Variants in ADGRL3 observed in about 807,000 individuals in gnomAD.
ADGRL3 encodes adhesion G protein-coupled receptor L3, also known as calcium-independent alpha-latrotoxin receptor 3.
In ADGRL3, 62 loss-of-function variants were observed where a neutral mutation model predicts 153.5. The observed-to-expected ratio is 0.40, with a 90% CI of 0.33 to 0.50. ADGRL3 has a LOEUF of 0.50. Among genes scored for constraint, ADGRL3 ranks in the 20% least tolerant of loss-of-function variants. The probability of loss-of-function intolerance (pLI) is 0.47; values close to 1 mark genes in which losing one functional copy is unlikely to be tolerated. For missense variants in ADGRL3, 1,641 were observed against 1,859.4 expected, an observed-to-expected ratio of 0.88 and a Z score of 2.16; for synonymous variants, 710 against 672.5, an observed-to-expected ratio of 1.06 and a Z score of -0.86.
At chr4:61,689,576 T>C (rs2095503440) in intron 6 of ADGRL3, among the ~76,000 whole-genome samples, 1 of 152,156 alleles carries the variant, frequency 6.6e-6, no homozygotes, top group Admixed American at 6.6e-5. Flanking sequence ...AAGTGATTTT[T>C]CTATACTCTA....
intron 4 of ADGRL3, among the ~76,000 whole-genome samples, chr4:61,544,123 C>A (rs2098702867): frequency 6.6e-6 from 1 of 152,188 alleles, no homozygotes; most frequent in African/African-American, 2.4e-5. Flanking sequence ...GTAGATTATA[C>A]ACATAGGTAA....
intron 4 of ADGRL3, among the ~76,000 whole-genome samples, chr4:61,566,068 AG>A (rs1280248923): frequency 1.3e-5 from 2 of 152,170 alleles, no homozygotes; most frequent in Non-Finnish European, 2.9e-5. Context: ...ATTGAACTAT[AG>A]GAGTTTATTA....
chr4:61,647,367 A>T (rs1034169641), intron 5 of ADGRL3, among the ~76,000 whole-genome samples: 3 of 152,280 alleles, frequency 2.0e-5, no homozygotes, highest in East Asian at 3.9e-4. Flanking sequence ...AGACGAAAAA[A>T]TTAAAATTAA....
intron 1 of ADGRL3, among the ~76,000 whole-genome samples, chr4:61,335,528 T>C (rs1222896735): frequency 1.3e-5 from 2 of 152,154 alleles, no homozygotes; most frequent in Non-Finnish European, 2.9e-5. Context: ...TCTATTAACA[T>C]CCCGAAATGT....
At chr4:61,756,870 G>T (rs1391019636) in intron 8 of ADGRL3, among the ~76,000 whole-genome samples, 3 of 152,130 alleles carry the variant, frequency 2.0e-5, no homozygotes, top group Non-Finnish European at 4.4e-5. Flanking sequence ...TGCATCTATT[G>T]AGATAATCAT....
At chr4:61,976,416 TG>T (rs2150752160) in intron 17 of ADGRL3, among the ~76,000 whole-genome samples, 1 of 152,310 alleles carries the variant, frequency 6.6e-6, no homozygotes, top group Admixed American at 6.5e-5. Flanking sequence ...TTACATTCAA[TG>T]TCCACTTGAT....
chr4:61,750,015 C>A (rs2096732008), intron 8 of ADGRL3, among the ~76,000 whole-genome samples: 1 of 151,252 alleles, frequency 6.6e-6, no homozygotes, highest in Non-Finnish European at 1.5e-5. Context: ...TTTTTTTATT[C>A]CTTTCTTTCC....
intron 5 of ADGRL3, among the ~76,000 whole-genome samples, chr4:61,631,249 T>C (rs1397000414): frequency 3.9e-5 from 6 of 152,212 alleles, no homozygotes; most frequent in Non-Finnish European, 8.8e-5. Flanking sequence ...TTTTATGGAA[T>C]AGTCATAACC....
intron 3 of ADGRL3, among the ~76,000 whole-genome samples, chr4:61,503,441 A>G (rs1044157335): frequency 6.6e-6 from 1 of 152,008 alleles, no homozygotes; most frequent in Non-Finnish European, 1.5e-5. Flanking sequence ...TTAATGTTGA[A>G]CAAATTTAAA....
chr4:61,713,863 G>T (rs770997490), intron 6 of ADGRL3, among the ~76,000 whole-genome samples: 67 of 152,158 alleles, frequency 4.4e-4, no homozygotes, highest in Non-Finnish European at 9.4e-4. Flanking sequence ...TGAAGTAGGA[G>T]AAAAGAATTA....
chr4:61,916,048 G>A lies in ADGRL3; in HGVS notation c.2112+3291G>A, dbSNP rs2098743720. 2.0e-5 allele frequency among the ~76,000 whole-genome samples: 3 copies of A among 151,996 alleles called. No individual in the cohort carries two copies. In the South Asian group the frequency reaches 6.2e-4, roughly 32 times the overall value. On this transcript the variant is annotated intron_variant, in intron 13 of 26. Transcript: ENST00000683033. The stretch of plus-strand genomic sequence containing the variant: ...TATGAATTATCCAGAGTTATCTTTT[G>A]TATGTTCTGACTTTTAACCTTTTGT...
At chr4:61,882,552 C>T (rs538720670) in intron 9 of ADGRL3, among the ~76,000 whole-genome samples, 1 of 152,246 alleles carries the variant, frequency 6.6e-6, no homozygotes, top group African/African-American at 2.4e-5. Flanking sequence ...GCTTCCCACA[C>T]CACCCAGAGT....
At chr4:61,556,054 G>A (rs10031433) in intron 4 of ADGRL3, among the ~76,000 whole-genome samples, 99,586 of 152,082 alleles carry the variant, frequency 0.65, 34,744 homozygotes, top group East Asian at 0.95. Context: ...GCAGCCCAGT[G>A]GGTCTCAGCC....
intron 4 of ADGRL3, among the ~76,000 whole-genome samples, chr4:61,556,937 A>G (rs543331273): frequency 1.3e-5 from 2 of 152,148 alleles, no homozygotes; most frequent in Non-Finnish European, 2.9e-5. Flanking sequence ...ACATATGGAC[A>G]CTAATTTGTA....
chr4:61,992,114 G>T (rs975853633), intron 19 of ADGRL3, among the ~76,000 whole-genome samples: 2 of 151,842 alleles, frequency 1.3e-5, no homozygotes, highest in Admixed American at 6.6e-5. Context: ...AATGTGAATG[G>T]CCAATCCAAA....
chr4:61,794,875 A>G (rs2097388976), intron 8 of ADGRL3, among the ~76,000 whole-genome samples: 2 of 152,288 alleles, frequency 1.3e-5, no homozygotes, highest in South Asian at 4.1e-4. Context: ...ATAGATCTTA[A>G]CTGTAAATTA....
At chr4:61,826,850 G>T (rs9884313) in intron 9 of ADGRL3, among the ~76,000 whole-genome samples, 4 of 151,584 alleles carry the variant, frequency 2.6e-5, no homozygotes, top group African/African-American at 9.7e-5. Context: ...ACACCAACAT[G>T]GCACATGTAT....
At chr4:61,671,014 A>AT (rs1190135289) in intron 5 of ADGRL3, among the ~76,000 whole-genome samples, 3 of 152,198 alleles carry the variant, frequency 2.0e-5, no homozygotes, top group African/African-American at 7.2e-5. Flanking sequence ...TGCTAGCTAC[A>AT]TAACAGGGGT....
intron 9 of ADGRL3, among the ~76,000 whole-genome samples, chr4:61,884,985 G>T (rs1235234077): frequency 6.7e-6 from 1 of 150,270 alleles, no homozygotes; most frequent in African/African-American, 2.4e-5. Flanking sequence ...GATCCATAAG[G>T]AAACAGCCTG....
Sources: gnomAD v4.1 joint callset for allele counts (sites outside exome capture counted in the v4.1 genomes callset) on GRCh38, gnomAD v4.1.1 for gene constraint, MANE v1.5 for transcripts, NCBI Gene and HGNC (gene_info 2026-07-23, HGNC 2026-07-21) for gene names.